Variants in CSMD3 observed in about 807,000 individuals in gnomAD.
CSMD3 encodes the protein CUB and Sushi multiple domains 3.
CSMD3 carries 177 observed loss-of-function variants against 435.2 expected under a neutral mutation model. That is an observed-to-expected ratio of 0.41 (90% CI 0.36 to 0.46). CSMD3 has a LOEUF of 0.46. CSMD3 is among the 20% of genes least tolerant of loss of function. CSMD3 has a pLI of 0.34. For synonymous variants in CSMD3, 1,656 were observed against 1,520.5 expected, an observed-to-expected ratio of 1.09 and a Z score of -2.07; for missense variants, 4,265 against 4,504.6, an observed-to-expected ratio of 0.95 and a Z score of 1.52.
intron 45 of CSMD3, among the ~76,000 whole-genome samples, chr8:112,323,164 C>CAAACA (rs921496086): frequency 6.6e-6 from 1 of 151,754 alleles, no homozygotes; most frequent in Non-Finnish European, 1.5e-5. Context: ...AACAAACAAA[C>CAAACA]AAACAAACAA....
In CSMD3 at chr8:113,196,657, G is replaced by A. The variant is rs557362361; in HGVS notation, c.515-22741C>T. 4.0e-5 allele frequency among the ~76,000 whole-genome samples: 6 copies of A among 151,256 alleles called. 1 individual carries two copies. In the Middle Eastern group the frequency reaches 0.017, roughly 429 times the overall value. Reference sequence around the variant, plus strand: ...AGGAGAAGACTAGAGACGACAGAAGGAGACTTCTTCAACTAGAGAAAAAAA... The same window carrying A: ...AGGAGAAGACTAGAGACGACAGAAGAAGACTTCTTCAACTAGAGAAAAAAA... On this transcript the variant is annotated intron_variant, in intron 3 of 70. Coordinates refer to ENST00000297405, the MANE Select transcript of CSMD3 (RefSeq NM_198123.2).
At chr8:112,362,872 G>A (rs988258290) in intron 38 of CSMD3, among the ~76,000 whole-genome samples, 2 of 151,932 alleles carry the variant, frequency 1.3e-5, no homozygotes, top group Non-Finnish European at 2.9e-5. Flanking sequence ...TAAACGAATG[G>A]AGTTCTTAGA....
At chr8:112,509,771 T>C (rs1822904729) in intron 28 of CSMD3, among the ~76,000 whole-genome samples, 1 of 152,138 alleles carries the variant, frequency 6.6e-6, no homozygotes, top group South Asian at 2.1e-4. Flanking sequence ...CTGGTACATT[T>C]TTCCTTGTTG....
chr8:112,428,660 T>C (rs1813335779), intron 32 of CSMD3, among the ~76,000 whole-genome samples: 1 of 152,062 alleles, frequency 6.6e-6, no homozygotes, highest in Non-Finnish European at 1.5e-5. Context: ...TGGTGGAAAT[T>C]CTTTTCTTGG....
intron 6 of CSMD3, among the ~76,000 whole-genome samples, chr8:112,987,193 T>A (rs2130997509): frequency 6.6e-6 from 1 of 152,212 alleles, no homozygotes; most frequent in East Asian, 1.9e-4. Context: ...CTAATAGTTT[T>A]ATATCCACCC....
intron 4 of CSMD3, among the ~76,000 whole-genome samples, chr8:113,126,153 CCTCAAAACAA>C (rs549337170): frequency 1.3e-5 from 2 of 151,800 alleles, no homozygotes; most frequent in Non-Finnish European, 2.9e-5. Context: ...TTCATTTCAT[CCTCAAAACAA>C]CTCTATGAAA....
chr8:113,309,735 A>G (rs1440018962), intron 2 of CSMD3: 1 of 152,226 alleles, frequency 6.6e-6, no homozygotes, highest in Non-Finnish European at 1.5e-5. Flanking sequence ...TTATTTATTT[A>G]CCTATCAAAA....
At chr8:113,405,878 C>T (rs1199658358) in intron 1 of CSMD3, among the ~76,000 whole-genome samples, 1 of 151,640 alleles carries the variant, frequency 6.6e-6, no homozygotes, top group Non-Finnish European at 1.5e-5. Flanking sequence ...GTAGAATATT[C>T]ATGATTAAAA....
chr8:112,488,203 T>C (rs1340714191), intron 31 of CSMD3, among the ~76,000 whole-genome samples: 1 of 152,160 alleles, frequency 6.6e-6, no homozygotes, highest in Non-Finnish European at 1.5e-5. Flanking sequence ...ATACACTTAA[T>C]CCTAAATCAT....
In CSMD3 at chr8:113,310,519, T is replaced by C. The variant is rs183893029; in HGVS notation, c.401+4052A>G. ...ATTATGTAAATCATCAAGAAAAATATTGATACATAGACAAAAAATAAATTA... is the reference window on the plus strand; with the variant it reads ...ATTATGTAAATCATCAAGAAAAATACTGATACATAGACAAAAAATAAATTA... On this transcript the variant is annotated intron_variant, in intron 2 of 70. Transcript: ENST00000297405. The C allele has an allele frequency of 8.8e-4, 134 of 151,930 alleles. 2 individuals carry two copies. Among genetic ancestry groups the C allele is most frequent in the East Asian group, 9.6e-4 (5 of 5,182 alleles). The allele number at this position is 151,930 out of a possible 1,614,324, so 9.4% of individuals were successfully genotyped here.
At chr8:113,384,119 T>C (rs1378677534) in intron 1 of CSMD3, among the ~76,000 whole-genome samples, 10 of 152,196 alleles carry the variant, frequency 6.6e-5, no homozygotes, top group Non-Finnish European at 1.2e-4. Flanking sequence ...CTTGATACTT[T>C]AGCTCATGTC....
chr8:113,104,206 G>A (rs2090411868), intron 4 of CSMD3, among the ~76,000 whole-genome samples: 1 of 152,184 alleles, frequency 6.6e-6, no homozygotes, highest in African/African-American at 2.4e-5. Flanking sequence ...ACTGTAAATT[G>A]TAGGAGAGAA....
intron 5 of CSMD3, among the ~76,000 whole-genome samples, chr8:113,094,510 C>T (rs932501862): frequency 1.3e-5 from 2 of 152,162 alleles, no homozygotes; most frequent in African/African-American, 4.8e-5. Flanking sequence ...ACAGTATTAA[C>T]TCTGCCAATA....
chr8:112,983,689 C>T (rs1248592506), intron 6 of CSMD3, among the ~76,000 whole-genome samples: 1 of 151,416 alleles, frequency 6.6e-6, no homozygotes, highest in African/African-American at 2.4e-5. Context: ...TGCCATAAGA[C>T]CATTTAGTGA....
chr8:112,733,830 C>T (rs2077126513), intron 13 of CSMD3, among the ~76,000 whole-genome samples: 1 of 151,936 alleles, frequency 6.6e-6, no homozygotes, highest in Non-Finnish European at 1.5e-5. Flanking sequence ...CTTTGGGCAA[C>T]ACATAATGTC....
chr8:113,047,544 A>G (rs1440918675), intron 5 of CSMD3, among the ~76,000 whole-genome samples: 2 of 152,238 alleles, frequency 1.3e-5, no homozygotes, highest in African/African-American at 2.4e-5. Context: ...TACCAGAATA[A>G]AAAGCCAAAA....
intron 36 of CSMD3, among the ~76,000 whole-genome samples, chr8:112,385,573 T>G (rs755542543): frequency 1.4e-4 from 22 of 152,238 alleles, no homozygotes; most frequent in Admixed American, 3.3e-4. Context: ...TTTCAATATC[T>G]ATTTCAGTAA....
intron 13 of CSMD3, among the ~76,000 whole-genome samples, chr8:112,707,449 C>T (rs1011795128): frequency 2.9e-5 from 4 of 138,966 alleles, no homozygotes; most frequent in Non-Finnish European, 6.0e-5. Flanking sequence ...CTGTGCTGAG[C>T]TAATTATTGG....
At chr8:113,412,101 G>C (rs1246315771) in intron 1 of CSMD3, among the ~76,000 whole-genome samples, 1 of 152,036 alleles carries the variant, frequency 6.6e-6, no homozygotes, top group Non-Finnish European at 1.5e-5. Flanking sequence ...AAAACCTGTA[G>C]AGTGTTTGAT....
Sources: allele counts gnomAD v4.1 joint callset (sites outside exome capture counted in the v4.1 genomes callset), GRCh38; gene constraint gnomAD v4.1.1; transcripts MANE v1.5; gene names NCBI Gene and HGNC (gene_info 2026-07-23, HGNC 2026-07-21).